The following PHACTR1 variants were observed in gnomAD, a reference collection of about 807,000 sequenced individuals.
PHACTR1 encodes RPEL repeat containing 1.
Under a neutral mutation model 69.2 loss-of-function variants are expected in PHACTR1, and 16 were observed. That is an observed-to-expected ratio of 0.23 (90% CI 0.16 to 0.35). PHACTR1 has a LOEUF of 0.35. PHACTR1 is among the 10% of genes least tolerant of loss of function. The pLI is 1.00. For synonymous variants in PHACTR1, 312 were observed against 284.5 expected (o/e 1.10, Z -0.97); for missense variants, 510 against 734.7 (o/e 0.69, Z 3.54).
intron 5 of PHACTR1, among the ~76,000 whole-genome samples, chr6:13,062,757 A>C (rs1807868355): frequency 6.6e-6 from 1 of 152,176 alleles, no homozygotes; most frequent in South Asian, 2.1e-4. Flanking sequence ...TAGTTACATC[A>C]CATTTTGTCT....
intron 6 of PHACTR1, among the ~76,000 whole-genome samples, chr6:13,176,098 C>A (rs1372179033): frequency 2.6e-5 from 4 of 152,126 alleles, no homozygotes; most frequent in Non-Finnish European, 5.9e-5. Flanking sequence ...ATGTAGAAAC[C>A]AGAGGAATGA....
chr6:12,747,622 A>G (rs1042003790), intron 3 of PHACTR1, among the ~76,000 whole-genome samples: 4 of 152,136 alleles, frequency 2.6e-5, no homozygotes, highest in Admixed American at 1.3e-4. Context: ...AGTTAAGGTC[A>G]TGCCATTGCA....
chr6:13,106,592 C>G (rs916046161), intron 5 of PHACTR1, among the ~76,000 whole-genome samples: 10 of 152,120 alleles, frequency 6.6e-5, no homozygotes, highest in Admixed American at 2.6e-4. Context: ...ATCCTCCCAA[C>G]TCAGCCTCCT....
At chr6:12,730,129 A>G (rs906647282) in intron 3 of PHACTR1, among the ~76,000 whole-genome samples, 1 of 152,226 alleles carries the variant, frequency 6.6e-6, no homozygotes, top group African/African-American at 2.4e-5. Context: ...TTGGAAAACC[A>G]CCCAAAATAT....
At chr6:12,791,896 A>C (rs1772332243) in intron 4 of PHACTR1, among the ~76,000 whole-genome samples, 1 of 152,148 alleles carries the variant, frequency 6.6e-6, no homozygotes, top group South Asian at 2.1e-4. Context: ...CGGTAAATAC[A>C]TAATGTGTTT....
chr6:13,090,396 G>T (rs1183462201), intron 5 of PHACTR1, among the ~76,000 whole-genome samples: 3 of 151,382 alleles, frequency 2.0e-5, no homozygotes, highest in African/African-American at 7.3e-5. Context: ...TTAGTAGTTG[G>T]CTTACTGCAA....
intron 4 of PHACTR1, among the ~76,000 whole-genome samples, chr6:12,982,335 C>G (rs1795619127): frequency 6.6e-6 from 1 of 152,216 alleles, no homozygotes; most frequent in African/African-American, 2.4e-5. Context: ...GTCCTTTCCT[C>G]TGAGACATGA....
intron 4 of PHACTR1, among the ~76,000 whole-genome samples, chr6:12,992,811 G>A (rs1414348194): frequency 2.0e-5 from 3 of 152,174 alleles, no homozygotes; most frequent in Non-Finnish European, 4.4e-5. Flanking sequence ...CCCGGGGTGG[G>A]GCAGGGGTTT....
At chr6:12,958,465 G>C (rs979815778) in intron 4 of PHACTR1, among the ~76,000 whole-genome samples, 1 of 152,212 alleles carries the variant, frequency 6.6e-6, no homozygotes, top group African/African-American at 2.4e-5. Flanking sequence ...AAAAAGGAAA[G>C]ACGACTTGGA....
At chr6:12,899,019 C>T (rs1424551031) in intron 4 of PHACTR1, among the ~76,000 whole-genome samples, 1 of 152,222 alleles carries the variant, frequency 6.6e-6, no homozygotes, top group African/African-American at 2.4e-5. Flanking sequence ...TATGCTTCCT[C>T]ATATGCAGCT....
chr6:12,820,009 T>C (rs1776023668), intron 4 of PHACTR1, among the ~76,000 whole-genome samples: 1 of 152,156 alleles, frequency 6.6e-6, no homozygotes, highest in Non-Finnish European at 1.5e-5. Flanking sequence ...CTCTACACCC[T>C]AGCAGCACTT....
intron 10 of PHACTR1, among the ~76,000 whole-genome samples, chr6:13,263,545 C>T (rs1363305701): frequency 6.6e-6 from 1 of 152,096 alleles, no homozygotes; most frequent in East Asian, 1.9e-4. Context: ...TTTTATAAAC[C>T]AGGGTCACAT....
intron 8 of PHACTR1, among the ~76,000 whole-genome samples, chr6:13,225,578 TCTTC>T (rs771099090): frequency 9.9e-5 from 15 of 152,222 alleles, no homozygotes; most frequent in Non-Finnish European, 2.2e-4. Context: ...GAGTTTCTTA[TCTTC>T]CTTTGCATTT....
chr6:13,230,325 G>T, intron 10 of PHACTR1, 132 bp downstream of exon 10: 2 of 1,504,438 alleles, frequency 1.3e-6, no homozygotes, highest in Non-Finnish European at 1.8e-6. Flanking sequence ...GCCGAGGCAG[G>T]TGGATCACAT....
chr6:12,771,761 A>G (rs1308141695), intron 4 of PHACTR1, among the ~76,000 whole-genome samples: 1 of 152,212 alleles, frequency 6.6e-6, no homozygotes, highest in African/African-American at 2.4e-5. Flanking sequence ...AGAGAGATGG[A>G]AGGGAATTGG....
At chr6:12,824,543 A>G (rs953326875) in intron 4 of PHACTR1, among the ~76,000 whole-genome samples, 1 of 152,204 alleles carries the variant, frequency 6.6e-6, no homozygotes, top group East Asian at 1.9e-4. Flanking sequence ...AAGAAAAGCC[A>G]TATAAAGACT....
intron 7 of PHACTR1, among the ~76,000 whole-genome samples, chr6:13,200,156 G>A (rs1051826850): frequency 3.9e-5 from 6 of 152,188 alleles, no homozygotes; most frequent in African/African-American, 1.2e-4. Context: ...TACACCAAGC[G>A]ATTTAGCACC....
In PHACTR1 at chr6:12,844,687, C is replaced by T. The variant is rs564080229; in HGVS notation, c.250+94897C>T. ...AGAGAAATACTAGATGGAACATCCG[C>T]CTTCTGGAGCCTGCAATGTTTCAAG... On this transcript the variant is annotated intron_variant, in intron 4 of 14. Transcript: ENST00000332995. Among the ~76,000 whole-genome samples, 6 of 151,994 alleles carry T rather than the reference C, an allele frequency of 3.9e-5. No individual in the cohort carries two copies. In the South Asian group the frequency reaches 1.2e-3, roughly 32 times the overall value.
At chr6:12,963,969 T>G (rs1469941396) in intron 4 of PHACTR1, among the ~76,000 whole-genome samples, 2 of 152,224 alleles carry the variant, frequency 1.3e-5, no homozygotes, top group African/African-American at 4.8e-5. Context: ...CACCAGACTT[T>G]AAGAAAACTA....
Sources: allele counts gnomAD v4.1 joint callset (sites outside exome capture counted in the v4.1 genomes callset), GRCh38; gene constraint gnomAD v4.1.1; transcripts MANE v1.5; gene names NCBI Gene and HGNC (gene_info 2026-07-23, HGNC 2026-07-21).